SLFN13: variants seen among roughly 807,000 people sequenced by gnomAD.
SLFN13 encodes schlafen-13.
In SLFN13, 43 loss-of-function variants were observed where a neutral mutation model predicts 50.6. The ratio of observed to expected loss-of-function variants is 0.85; its 90% CI spans 0.67 to 1.09. The LOEUF (loss-of-function observed/expected upper bound fraction) is 1.09, where lower values mean the gene tolerates loss of function less well. Ranked by LOEUF, SLFN13 falls within the 50% of genes least tolerant of loss-of-function variation. The pLI, the probability that SLFN13 is intolerant of heterozygous loss-of-function variation, is 0.00. For synonymous variants in SLFN13, 339 were observed against 386.5 expected (o/e 0.88, Z 1.44); for missense variants, 881 against 1,071.1 (o/e 0.82, Z 2.48).
chr17:35,449,583 G>T (rs1015132860), upstream of SLFN13, among the ~76,000 whole-genome samples: 1 of 152,218 alleles, frequency 6.6e-6, no homozygotes, highest in Non-Finnish European at 1.5e-5. Context: ...TGGATTTGTG[G>T]CTCCGCAGAC....
chr17:35,437,273 C>T lies in SLFN13; in HGVS notation c.*3322G>A, dbSNP rs762849252. 1 of 152,058 alleles carries T rather than the reference C, an allele frequency of 6.6e-6. No homozygotes were observed. Among genetic ancestry groups the T allele is most frequent in the Non-Finnish European group, 1.5e-5 (1 of 68,040 alleles). 9.4% of individuals were successfully genotyped at this position (152,058 alleles called of 1,614,324 possible). A position where few individuals can be genotyped will look rare whatever the true frequency, so the allele number is the denominator to read the frequency against. ...GTGACACGATTATCGCTAACTACAGCCTTGAACTCCTGGAATCAAGCGATC... is the reference window on the plus strand; with the variant it reads ...GTGACACGATTATCGCTAACTACAGTCTTGAACTCCTGGAATCAAGCGATC... On this transcript the variant is annotated 3_prime_UTR_variant, in exon 6 of 6. Coordinates refer to ENST00000285013, the MANE Select transcript of SLFN13 (RefSeq NM_144682.6).
In SLFN13 at chr17:35,444,788, ATTT is replaced by A. The variant is rs745874801; in HGVS notation, c.890_892del (p.Lys297del). 14 of 1,614,084 alleles carry A rather than the reference ATTT, an allele frequency of 8.7e-6. No individual in the cohort carries two copies. In the East Asian group the frequency reaches 1.1e-4, roughly 13 times the overall value. ...CTCTTTCCCACAAAACACTTCTACG[ATTT>A]TGGTGCTGTACTCTACCCGAGGTTT... is the stretch of plus-strand genomic sequence containing the variant. On this transcript the variant is annotated inframe_deletion, in exon 3 of 6. Transcript: ENST00000285013.
rs989878218 is a variant in SLFN13, at chr17:35,441,324, T to A, written c.1965A>T (p.Leu655=). The stretch of plus-strand genomic sequence containing the variant: ...GTTGAATGTGTTCAAATTTTTCTCT[T>A]AGGAAAGTTTCCCGGGTCTCTGCTC... The part of the protein sequence containing the change: ...ICRAETRETF[L]REKFEHIQHI... Residue 655 remains leucine (L), a synonymous_variant, in exon 6 of 6, where the codon CTA becomes CTT. Coordinates refer to ENST00000285013, the MANE Select transcript of SLFN13 (RefSeq NM_144682.6). 6.2e-7 allele frequency: 1 copy of A among 1,611,728 alleles called. No individual in the cohort carries two copies. The highest frequency in any genetic ancestry group is 1.3e-5 in the African/African-American group (1 of 74,612).
rs1912749362 is a variant in SLFN13 at position 35,439,544 on chromosome 17, CT to C, written c.*1050del. The C allele has an allele frequency of 1.3e-5, 2 of 152,148 alleles. No individual in the cohort carries two copies. 9.4% of individuals were successfully genotyped at this position (152,148 alleles called of 1,614,324 possible). ...CCAGGCTGGAGTACAGTGACATGATCTCAGCTCACTGCAACCTCTGCCTCCA... is the reference window on the plus strand; with the variant it reads ...CCAGGCTGGAGTACAGTGACATGATCCAGCTCACTGCAACCTCTGCCTCCA... On this transcript the variant is annotated 3_prime_UTR_variant, in exon 6 of 6. Transcript: ENST00000285013.
rs1201586824 is a variant in SLFN13, at chr17:35,439,376, C to T, written c.*1219G>A. 1 of 152,120 alleles carries T rather than the reference C, an allele frequency of 6.6e-6. No homozygotes were observed. Among genetic ancestry groups the T allele is most frequent in the African/African-American group, 2.4e-5 (1 of 41,452 alleles). The allele number at this position is 152,120 out of a possible 1,614,324, so 9.4% of individuals were successfully genotyped here. A position where few individuals can be genotyped will look rare whatever the true frequency, so the allele number is the denominator to read the frequency against. On this transcript the variant is annotated 3_prime_UTR_variant, in exon 6 of 6. Coordinates refer to ENST00000285013, the MANE Select transcript of SLFN13 (RefSeq NM_144682.6). ...TATGAAAGCAAATAGAAAAAAAAATCACAGTTCAAGAATGACATAAAACTT... is the reference window on the plus strand; with the variant it reads ...TATGAAAGCAAATAGAAAAAAAAATTACAGTTCAAGAATGACATAAAACTT...
rs1422565704 is a variant in SLFN13, at chr17:35,438,821, AT to A, written c.*1773del. 1 of 152,142 alleles carries A rather than the reference AT, an allele frequency of 6.6e-6. No individual in the cohort carries two copies. The highest frequency in any genetic ancestry group is 1.5e-5 in the Non-Finnish European group (1 of 68,030). 9.4% of individuals were successfully genotyped at this position (152,142 alleles called of 1,614,324 possible). On this transcript the variant is annotated 3_prime_UTR_variant, in exon 6 of 6. Transcript: ENST00000285013. Reference sequence around the variant, plus strand: ...CTTAATTTTCATTAGTTATGCAAATATTTTATTGTTAGTATTTAGATTAGTG... The same window carrying A: ...CTTAATTTTCATTAGTTATGCAAATATTTATTGTTAGTATTTAGATTAGTG...
In SLFN13 at chr17:35,444,812, G is replaced by C; in HGVS notation, c.869C>G (p.Pro290Arg). The change falls in exon 3 of 6, where the codon CCT becomes CGT. Residue 290 changes from proline (P) to arginine (R), a missense_variant. Around this residue, in one of 5 missense-constraint regions of SLFN13, gnomAD observed 497 missense variants for 518.3 expected, o/e 0.96. Transcript: ENST00000285013. ...LPIVHFCSSK[P>R]RVEYSTKIVE... ...GATTTTGGTGCTGTACTCTACCCGA[G>C]GTTTTGAAGAGCAAAAATGAACAAT... 6.2e-7 allele frequency: 1 copy of C among 1,614,132 alleles called. No individual in the cohort carries two copies. The highest frequency in any genetic ancestry group is 8.5e-7 in the Non-Finnish European group (1 of 1,180,022).
rs1466017867 is a variant in SLFN13 at position 35,444,775 on chromosome 17, A to G, written c.906T>C (p.Phe302=). ...VEYSTKIVEV[F]CGKELYGYLC... ...GATAGCCATACAACTCTTTCCCACA[A>G]AACACTTCTACGATTTTGGTGCTGT... Residue 302 remains phenylalanine, a synonymous_variant, in exon 3 of 6, where the codon TTT becomes TTC. Coordinates refer to ENST00000285013, the MANE Select transcript of SLFN13 (RefSeq NM_144682.6). 6.2e-7 allele frequency: 1 copy of G among 1,614,204 alleles called. No individual in the cohort carries two copies. Among genetic ancestry groups the G allele is most frequent in the South Asian group, 1.1e-5 (1 of 91,086 alleles).
chr17:35,441,233 T>G lies in SLFN13; in HGVS notation c.2056A>C (p.Thr686Pro), dbSNP rs1365334387. The G allele has an allele frequency of 6.2e-7, 1 of 1,613,972 alleles. No individual in the cohort carries two copies. The highest frequency in any genetic ancestry group is 8.5e-7 in the Non-Finnish European group (1 of 1,180,018). ...EDGDWYRKAK[T>P]ITQREKDCPG... ...CAATCCTTTTCTCTCTGAGTGATGG[T>G]TTTTGCCTTCCTATACCAGTCCCCA... Residue 686 changes from threonine (T) to proline (P), a missense_variant, in exon 6 of 6, where the codon ACC becomes CCC. Physicochemically the swap from Thr to Pro is conservative, Grantham distance 38. Coordinates refer to ENST00000285013, the MANE Select transcript of SLFN13 (RefSeq NM_144682.6).
Position 35,441,307 on chromosome 17 carries a change from T to A in SLFN13, c.1982A>T (p.His661Leu), listed in dbSNP as rs759277271. Residue 661 changes from histidine to leucine, a missense_variant, in exon 6 of 6, where the codon CAC becomes CTC. By Grantham distance (99) the His-to-Leu change is moderately conservative. Coordinates refer to ENST00000285013, the MANE Select transcript of SLFN13 (RefSeq NM_144682.6). ...RETFLREKFE[H>L]IQHIVIDEAQ... Reference sequence around the variant, plus strand: ...TTCGTCAATGACGATGTGTTGAATGTGTTCAAATTTTTCTCTTAGGAAAGT... The same window carrying A: ...TTCGTCAATGACGATGTGTTGAATGAGTTCAAATTTTTCTCTTAGGAAAGT... 3.1e-6 allele frequency: 5 copies of A among 1,612,776 alleles called. No homozygotes were observed. Among genetic ancestry groups the A allele is most frequent in the Non-Finnish European group, 4.2e-6 (5 of 1,179,674 alleles).
chr17:35,447,433 A>G lies in SLFN13; in HGVS notation c.-160-19T>C, dbSNP rs964765175. ...GAAAGACCTGTATGCAGAAACATGT[A>G]GAGAGAGGCAGTAGAGTTCAGGGGT... On this transcript the variant is annotated intron_variant, in intron 1 of 5. Coordinates refer to ENST00000285013, the MANE Select transcript of SLFN13 (RefSeq NM_144682.6). 2.0e-5 allele frequency: 3 copies of G among 152,228 alleles called. No individual in the cohort carries two copies. The highest frequency in any genetic ancestry group is 7.2e-5 in the African/African-American group (3 of 41,454). 9.4% of individuals were successfully genotyped at this position (152,228 alleles called of 1,614,324 possible). A position where few individuals can be genotyped will look rare whatever the true frequency, so the allele number is the denominator to read the frequency against.
intron 3 of SLFN13, 147 bp downstream of exon 3, chr17:35,444,468 T>G: frequency 1.3e-6 from 1 of 744,122 alleles, no homozygotes; most frequent in Non-Finnish European, 2.1e-6. Context: ...TCTCACCCAA[T>G]AAAACTTCCC....
chr17:35,443,157 T>C (rs1387403387), intron 4 of SLFN13, among the ~76,000 whole-genome samples: 1 of 152,142 alleles, frequency 6.6e-6, no homozygotes, highest in Non-Finnish European at 1.5e-5. Context: ...ATTTTGTAAG[T>C]AGGAACTCCG....
At position 35,435,514 on chromosome 17, in the gene SLFN13, G is replaced by C. The variant is rs1435714218; in HGVS notation, c.*5081C>G. The C allele has an allele frequency of 1.3e-5, 2 of 152,014 alleles. No individual in the cohort carries two copies. Among genetic ancestry groups the C allele is most frequent in the Non-Finnish European group, 2.9e-5 (2 of 68,002 alleles). The allele number at this position is 152,014 out of a possible 1,614,324, so 9.4% of individuals were successfully genotyped here. The stretch of plus-strand genomic sequence containing the variant: ...GCCAAGGCTTGTCTCTAACCCCTGG[G>C]CTCAAGTGATTCTCCTGCCTTGGCC... On this transcript the variant is annotated 3_prime_UTR_variant, in exon 6 of 6. Transcript: ENST00000285013.
At position 35,440,683 on chromosome 17, in the gene SLFN13, T is replaced by C. The variant is rs766371482; in HGVS notation, c.2606A>G (p.His869Arg). The part of the protein sequence containing the change: ...GLERSIVFGI[H>R]PRTADPAILP... Reference sequence around the variant, plus strand: ...GATAGCTGGGTCAGCTGTCCTTGGATGGATCCCAAACACTATGCTCCTTTC... The same window carrying C: ...GATAGCTGGGTCAGCTGTCCTTGGACGGATCCCAAACACTATGCTCCTTTC... The change falls in exon 6 of 6, where the codon CAT (histidine) becomes CGT (arginine). Residue 869 changes from histidine to arginine, a missense_variant. His to Arg is a conservative substitution (Grantham distance 29). This residue lies in a region of SLFN13 where 322 missense variants were observed against 327.4 expected (regional missense o/e 0.98). Coordinates refer to ENST00000285013, the MANE Select transcript of SLFN13 (RefSeq NM_144682.6). 8 of 1,614,020 alleles carry C rather than the reference T, an allele frequency of 5.0e-6. 1 individual carries two copies. In the East Asian group the frequency reaches 8.9e-5, roughly 18 times the overall value.
In SLFN13 at chr17:35,439,063, G is replaced by C. The variant is rs1041704704; in HGVS notation, c.*1532C>G. On this transcript the variant is annotated 3_prime_UTR_variant, in exon 6 of 6. Transcript: ENST00000285013. ...ATAGGTGCCAGCAGGGTGGGGGGGG[G>C]GGTTCATTGTGAGGCTTCTCCTCTT... is the stretch of plus-strand genomic sequence containing the variant. 41 of 139,858 alleles carry C rather than the reference G, an allele frequency of 2.9e-4. No individual in the cohort carries two copies. Among genetic ancestry groups the C allele is most frequent in the African/African-American group, 9.9e-4 (39 of 39,388 alleles). 8.7% of individuals were successfully genotyped at this position (139,858 alleles called of 1,614,324 possible). A position where few individuals can be genotyped will look rare whatever the true frequency, so the allele number is the denominator to read the frequency against.
At position 35,442,285 on chromosome 17, in the gene SLFN13, A is replaced by G. The variant is rs947263429; in HGVS notation, c.1200T>C (p.Val400=). The change falls in exon 5 of 6, where the codon GTT becomes GTC. Residue 400 remains valine (V), a splice_region_variant and synonymous_variant. Coordinates refer to ENST00000285013, the MANE Select transcript of SLFN13 (RefSeq NM_144682.6). Reference sequence around the variant, plus strand: ...GAGTACATTCCAAATGTCCTGGTGGAACTAGACAGGAAGAAAATAGAAAGA... The same window carrying G: ...GAGTACATTCCAAATGTCCTGGTGGGACTAGACAGGAAGAAAATAGAAAGA... ...KADLQQHLFP[V]PPGHLECTPE... The G allele has an allele frequency of 6.4e-7, 1 of 1,564,504 alleles. No homozygotes were observed. Among genetic ancestry groups the G allele is most frequent in the Non-Finnish European group, 8.6e-7 (1 of 1,157,006 alleles).
At position 35,441,241 on chromosome 17, in the gene SLFN13, T is replaced by C. The variant is rs1267262096; in HGVS notation, c.2048A>G (p.Lys683Arg). ...FRTEDGDWYR[K>R]AKTITQREKD... ...TTCTCTCTGAGTGATGGTTTTTGCC[T>C]TCCTATACCAGTCCCCATCTTCAGT... The change falls in exon 6 of 6, where the codon AAG becomes AGG. Residue 683 changes from lysine (K) to arginine (R), a missense_variant. Physicochemically the swap from Lys to Arg is conservative, Grantham distance 26. Transcript: ENST00000285013. 3 of 1,613,988 alleles carry C rather than the reference T, an allele frequency of 1.9e-6. No homozygotes were observed. The highest frequency in any genetic ancestry group is 1.7e-5 in the Admixed American group (1 of 60,004).
chr17:35,441,632 T>A lies in SLFN13; in HGVS notation c.1853A>T (p.Asn618Ile), dbSNP rs1912900054. 1 of 1,603,072 alleles carries A rather than the reference T, an allele frequency of 6.2e-7. No homozygotes were observed. Among genetic ancestry groups the A allele is most frequent in the Admixed American group, 1.7e-5 (1 of 58,730 alleles). Reference sequence around the variant, plus strand: ...TCTGTGTGCCTCACAGTGAAACACATTCCTGATCTTCTCCATGATCTTCAT... The same window carrying A: ...TCTGTGTGCCTCACAGTGAAACACAATCCTGATCTTCTCCATGATCTTCAT... Reference protein sequence around the residue: ...MAMKIMEKIRNVFHCEAHRIL... With the variant: ...MAMKIMEKIRIVFHCEAHRIL... The change falls in exon 5 of 6, where the codon AAT (asparagine) becomes ATT (isoleucine). Residue 618 changes from asparagine (N) to isoleucine (I), a missense_variant. Physicochemically the swap from Asn to Ile is moderately radical, Grantham distance 149. Transcript: ENST00000285013.
Sources: allele counts gnomAD v4.1 joint callset (sites outside exome capture counted in the v4.1 genomes callset), GRCh38; gene constraint gnomAD v4.1.1; regional missense constraint gnomAD v4.1.1; transcripts MANE v1.5; gene names NCBI Gene and HGNC (gene_info 2026-07-23, HGNC 2026-07-21).